The following LAMA2 variants were observed in gnomAD, a reference collection of about 807,000 sequenced individuals.
LAMA2 encodes the protein laminin subunit alpha-2.
In LAMA2, 269 loss-of-function variants were observed where a neutral mutation model predicts 364.8. The observed-to-expected ratio is 0.74, with a 90% CI of 0.67 to 0.82. The LOEUF (loss-of-function observed/expected upper bound fraction) is 0.82. Ranked by LOEUF, LAMA2 falls within the 40% of genes least tolerant of loss-of-function variation. The pLI, the probability that LAMA2 is intolerant of heterozygous loss-of-function variation, is 0.00. For missense variants in LAMA2, 3,807 were observed against 3,873.2 expected (o/e 0.98, Z 0.45); for synonymous variants, 1,379 against 1,370.6 (o/e 1.01, Z -0.14).
At chr6:128,990,384 C>T (rs1322406156) in intron 1 of LAMA2, among the ~76,000 whole-genome samples, 1 of 152,160 alleles carries the variant, frequency 6.6e-6, no homozygotes, top group African/African-American at 2.4e-5. Flanking sequence ...CAAAATATCT[C>T]ATAAATGTGT....
intron 1 of LAMA2, among the ~76,000 whole-genome samples, chr6:128,892,783 C>T (rs1359235962): frequency 6.6e-6 from 1 of 151,788 alleles, no homozygotes; most frequent in Admixed American, 6.6e-5. Flanking sequence ...AGGGAGGATT[C>T]TTAGTGTGTC....
At chr6:129,271,464 C>CTT (rs11287525) in intron 17 of LAMA2, among the ~76,000 whole-genome samples, 135 of 80,224 alleles carry the variant, frequency 1.7e-3, no homozygotes, top group African/African-American at 3.0e-3. Flanking sequence ...AATTGGGATA[C>CTT]TTTTTTTTTT....
chr6:128,945,234 C>A (rs540931372), intron 1 of LAMA2, among the ~76,000 whole-genome samples: 2 of 152,172 alleles, frequency 1.3e-5, no homozygotes, highest in Non-Finnish European at 2.9e-5. Flanking sequence ...TTTAATTATG[C>A]CTTTTTCCTC....
chr6:128,914,022 T>G (rs1195833923), intron 1 of LAMA2, among the ~76,000 whole-genome samples: 1 of 152,132 alleles, frequency 6.6e-6, no homozygotes, highest in Non-Finnish European at 1.5e-5. Context: ...AATGGAGATA[T>G]AAAAAATTAA....
chr6:129,504,018 A>T (rs1785858629), intron 60 of LAMA2, among the ~76,000 whole-genome samples: 1 of 152,242 alleles, frequency 6.6e-6, no homozygotes, highest in African/African-American at 2.4e-5. Flanking sequence ...TGCACCTGCG[A>T]TAGCCTATTA....
intron 4 of LAMA2, among the ~76,000 whole-genome samples, chr6:129,115,790 C>T (rs932247124): frequency 6.6e-6 from 1 of 152,056 alleles, no homozygotes; most frequent in Admixed American, 6.6e-5. Flanking sequence ...TTAGTTTCCG[C>T]ATCTAAGAAT....
intron 44 of LAMA2, 51 bp from the exon 45 acceptor site, chr6:129,445,616 T>TGTGCACGTGTGTGCATGCATATAC (rs746299198): frequency 6.2e-6 from 9 of 1,455,606 alleles, no homozygotes; most frequent in Non-Finnish European, 7.7e-6. Context: ...TAATTCTGTG[T>TGTGCACGTGTGTGCATGCATATAC]GTGCACGTGT....
At chr6:129,321,972 T>C (rs1297485039) in intron 28 of LAMA2, among the ~76,000 whole-genome samples, 1 of 152,226 alleles carries the variant, frequency 6.6e-6, no homozygotes, top group African/African-American at 2.4e-5. Flanking sequence ...CTTGGGTTTT[T>C]ACCTATACAT....
chr6:129,047,178 A>G (rs947476323), intron 1 of LAMA2, among the ~76,000 whole-genome samples: 8 of 152,176 alleles, frequency 5.3e-5, no homozygotes, highest in Admixed American at 6.5e-5. Flanking sequence ...TAAGGCTTAT[A>G]TCATGGAAAA....
At chr6:128,924,871 A>C (rs1778988493) in intron 1 of LAMA2, among the ~76,000 whole-genome samples, 1 of 152,230 alleles carries the variant, frequency 6.6e-6, no homozygotes, top group African/African-American at 2.4e-5. Context: ...CCTTTTACAG[A>C]ATATACATGC....
At chr6:129,191,144 A>C (rs2115034684) in intron 11 of LAMA2, among the ~76,000 whole-genome samples, 1 of 152,340 alleles carries the variant, frequency 6.6e-6, no homozygotes, top group Admixed American at 6.5e-5. Flanking sequence ...GAATATACTA[A>C]GAATTTGAGA....
At chr6:129,091,423 G>A (rs550702385) in intron 3 of LAMA2, among the ~76,000 whole-genome samples, 2 of 152,200 alleles carry the variant, frequency 1.3e-5, no homozygotes, top group South Asian at 4.2e-4. Context: ...AGTATAAAAA[G>A]TCTGTTTTAA....
intron 32 of LAMA2, among the ~76,000 whole-genome samples, chr6:129,358,244 C>A (rs1030124175): frequency 1.3e-5 from 2 of 151,844 alleles, no homozygotes; most frequent in Admixed American, 1.3e-4. Flanking sequence ...CAACTATCAC[C>A]GTGATTCTAG....
intron 17 of LAMA2, among the ~76,000 whole-genome samples, chr6:129,278,613 G>C (rs1440858262): frequency 2.0e-5 from 3 of 152,144 alleles, no homozygotes; most frequent in Non-Finnish European, 4.4e-5. Flanking sequence ...CAAAGTACAG[G>C]ATGCTTTATA....
chr6:129,339,742 C>T (rs1488438393), intron 29 of LAMA2, among the ~76,000 whole-genome samples: 2 of 152,160 alleles, frequency 1.3e-5, no homozygotes, highest in Non-Finnish European at 2.9e-5. Context: ...CGGCAGCTCC[C>T]GCCTGTAATC....
chr6:129,450,756 G>A lies in LAMA2; in HGVS notation c.6430-2232G>A, dbSNP rs73775424. Reference sequence around the variant, plus strand: ...TACAGTCGCTTTGACTACTAATTCAGCCCCATTCAGAATTGGATATGATTG... The same window carrying A: ...TACAGTCGCTTTGACTACTAATTCAACCCCATTCAGAATTGGATATGATTG... On this transcript the variant is annotated intron_variant, in intron 45 of 64. Transcript: ENST00000421865. Among the ~76,000 whole-genome samples the A allele has an allele frequency of 2.8e-3, 427 of 152,276 alleles. 3 individuals are homozygous for A. The highest frequency in any genetic ancestry group is 9.6e-3 in the African/African-American group (398 of 41,558).
chr6:129,144,432 A>G (rs1038711363), intron 5 of LAMA2, among the ~76,000 whole-genome samples: 9 of 151,966 alleles, frequency 5.9e-5, no homozygotes, highest in African/African-American at 2.2e-4. Context: ...TACTATTATA[A>G]TTGGCTTTGG....
chr6:129,079,430 C>T (rs1773890412), intron 3 of LAMA2, among the ~76,000 whole-genome samples: 1 of 151,988 alleles, frequency 6.6e-6, no homozygotes, highest in Non-Finnish European at 1.5e-5. Context: ...TACTATAATT[C>T]TACTGTTAAT....
At chr6:129,025,468 G>A (rs2114723045) in intron 1 of LAMA2, among the ~76,000 whole-genome samples, 1 of 152,258 alleles carries the variant, frequency 6.6e-6, no homozygotes, top group South Asian at 2.1e-4. Flanking sequence ...CTTCAATAAA[G>A]ATAGAGATAC....
Sources: allele counts gnomAD v4.1 joint callset (sites outside exome capture counted in the v4.1 genomes callset), GRCh38; gene constraint gnomAD v4.1.1; transcripts MANE v1.5; gene names NCBI Gene and HGNC (gene_info 2026-07-23, HGNC 2026-07-21).